The following CCDC91 variants were observed in gnomAD, a reference collection of about 807,000 sequenced individuals.
CCDC91 encodes coiled-coil domain-containing protein 91.
Under a neutral mutation model 63.2 loss-of-function variants are expected in CCDC91, and 48 were observed. The ratio of observed to expected loss-of-function variants is 0.76; its 90% CI spans 0.60 to 0.97. CCDC91 has a LOEUF of 0.97. Ranked by LOEUF, CCDC91 falls within the 50% of genes least tolerant of loss-of-function variation. The pLI is 0.00. For missense variants in CCDC91, 500 were observed against 494.6 expected, an observed-to-expected ratio of 1.01 and a Z score of -0.10; for synonymous variants, 167 against 165.8, an observed-to-expected ratio of 1.01 and a Z score of -0.06.
At chr12:28,293,714 G>A (rs1418228733) in intron 3 of CCDC91, among the ~76,000 whole-genome samples, 5 of 151,524 alleles carry the variant, frequency 3.3e-5, no homozygotes, top group East Asian at 1.9e-4. Flanking sequence ...TCTGTAGTCT[G>A]TTTCCTTGTC....
At position 28,367,342 on chromosome 12, in the gene CCDC91, A is replaced by G. The variant is rs147468930; in HGVS notation, c.654+4827A>G. Among the ~76,000 whole-genome samples, 9 of 152,362 alleles carry G rather than the reference A, an allele frequency of 5.9e-5. 1 individual carries two copies. The highest frequency in any genetic ancestry group is 2.1e-4 in the South Asian group (1 of 4,832). ...TGGCAATTTTAGAAGTAGAAATACAATAACCAAAATTAAAAACTCAGAGAT... is the reference window on the plus strand; with the variant it reads ...TGGCAATTTTAGAAGTAGAAATACAGTAACCAAAATTAAAAACTCAGAGAT... On this transcript the variant is annotated intron_variant, in intron 7 of 12. Coordinates refer to ENST00000536442, the MANE Select transcript of CCDC91 (RefSeq NM_018318.5).
At chr12:28,527,682 C>T (rs1380950578) in intron 12 of CCDC91, among the ~76,000 whole-genome samples, 1 of 152,154 alleles carries the variant, frequency 6.6e-6, no homozygotes, top group East Asian at 1.9e-4. Context: ...TGCCCATTGT[C>T]TTCAGTTACC....
chr12:28,482,423 C>G (rs1455132046), intron 11 of CCDC91, among the ~76,000 whole-genome samples: 1 of 151,638 alleles, frequency 6.6e-6, no homozygotes, highest in Non-Finnish European at 1.5e-5. Flanking sequence ...TAAAATTTTT[C>G]AAAGACTTTC....
chr12:28,506,211 G>A (rs543480044), intron 12 of CCDC91, among the ~76,000 whole-genome samples: 1 of 152,094 alleles, frequency 6.6e-6, no homozygotes, highest in South Asian at 2.1e-4. Context: ...TCAGAGGCAT[G>A]ATAGGAAGCT....
chr12:28,234,498 T>A (rs1468451862), intron 1 of CCDC91, among the ~76,000 whole-genome samples: 1 of 152,194 alleles, frequency 6.6e-6, no homozygotes, highest in African/African-American at 2.4e-5. Context: ...TTTTTAAAGA[T>A]ATTTAGTGAA....
At chr12:28,307,259 A>G (rs901252150) in intron 5 of CCDC91, among the ~76,000 whole-genome samples, 5 of 152,014 alleles carry the variant, frequency 3.3e-5, no homozygotes, top group East Asian at 1.9e-4. Context: ...TGCGACATCA[A>G]CTTTTCCCTA....
chr12:28,353,560 T>C (rs1943323304), intron 6 of CCDC91, among the ~76,000 whole-genome samples: 1 of 152,188 alleles, frequency 6.6e-6, no homozygotes. Flanking sequence ...TATAGGGTTA[T>C]TAATTGGCCT....
At chr12:28,191,683 C>T (rs1362505325) in intron 1 of CCDC91, among the ~76,000 whole-genome samples, 2 of 152,150 alleles carry the variant, frequency 1.3e-5, no homozygotes, top group Non-Finnish European at 2.9e-5. Context: ...ACAACAAATT[C>T]GCTGTTGTGT....
chr12:28,398,744 A>G (rs1170010549), intron 8 of CCDC91, among the ~76,000 whole-genome samples: 17 of 152,096 alleles, frequency 1.1e-4, no homozygotes, highest in Non-Finnish European at 2.9e-5. Context: ...CATTGCACTT[A>G]TTTGGCTGTT....
At position 28,338,461 on chromosome 12, in the gene CCDC91, G is replaced by A. The variant is rs577495448; in HGVS notation, c.577-23977G>A. Among the ~76,000 whole-genome samples the A allele has an allele frequency of 3.3e-5, 5 of 152,236 alleles. No homozygotes were observed. The East Asian group carries it at 9.6e-4, about 29-fold the overall frequency. ...TGTGGGTAGAGAAAACAGTGTGAAT[G>A]CCCTGAGATAAGATTGTGCTTGATG... On this transcript the variant is annotated intron_variant, in intron 6 of 12. Transcript: ENST00000536442.
At chr12:28,434,237 G>A (rs989707980) in intron 8 of CCDC91, among the ~76,000 whole-genome samples, 9 of 151,646 alleles carry the variant, frequency 5.9e-5, no homozygotes, top group Non-Finnish European at 8.9e-5. Context: ...TATGTTAGCT[G>A]TAGATTTTTT....
At chr12:28,244,494 C>CTTTTTTTTTTTTTTTTTTTTTTT (rs3064681) in intron 1 of CCDC91, among the ~76,000 whole-genome samples, 1 of 38,426 alleles carries the variant, frequency 2.6e-5, no homozygotes, top group African/African-American at 1.2e-4. Flanking sequence ...TAGAAGAAGG[C>CTTTTTTTTTTTTTTTTTTTTTTT]TTTTTTTTTT....
At chr12:28,527,104 A>C (rs557480484) in intron 12 of CCDC91, among the ~76,000 whole-genome samples, 46 of 152,162 alleles carry the variant, frequency 3.0e-4, no homozygotes, top group African/African-American at 1.1e-3. Flanking sequence ...ATTCTTTTTC[A>C]GGTAAATCAG....
chr12:28,232,818 C>A (rs1025494851), intron 1 of CCDC91, among the ~76,000 whole-genome samples: 3 of 151,662 alleles, frequency 2.0e-5, no homozygotes, highest in South Asian at 2.1e-4. Flanking sequence ...GTTAAAAATA[C>A]CATTACTCAA....
At chr12:28,244,623 C>G (rs1945592976) in intron 1 of CCDC91, among the ~76,000 whole-genome samples, 1 of 139,638 alleles carries the variant, frequency 7.2e-6, no homozygotes, top group South Asian at 2.3e-4. Flanking sequence ...CTTAAAGTAT[C>G]TTCATTTATA....
At chr12:28,471,657 A>G (rs1950819277) in intron 11 of CCDC91, among the ~76,000 whole-genome samples, 2 of 151,990 alleles carry the variant, frequency 1.3e-5, no homozygotes, top group South Asian at 4.1e-4. Context: ...TTGAGAAGAT[A>G]TATACAACTA....
At chr12:28,320,577 A>T (rs1411089834) in intron 6 of CCDC91, among the ~76,000 whole-genome samples, 1 of 151,902 alleles carries the variant, frequency 6.6e-6, no homozygotes, top group African/African-American at 2.4e-5. Context: ...GCCATTCTAG[A>T]ACAAAGCCAC....
At chr12:28,228,635 T>G (rs1379871397) in intron 1 of CCDC91, among the ~76,000 whole-genome samples, 1 of 152,138 alleles carries the variant, frequency 6.6e-6, no homozygotes, top group Non-Finnish European at 1.5e-5. Flanking sequence ...GAAATCTGCC[T>G]ACCTTTAACT....
At chr12:28,372,764 G>A (rs184442635) in intron 7 of CCDC91, among the ~76,000 whole-genome samples, 9 of 152,254 alleles carry the variant, frequency 5.9e-5, no homozygotes, top group Non-Finnish European at 8.8e-5. Flanking sequence ...ATGCAGTCAT[G>A]TCATTGGCAA....
Sources: allele counts gnomAD v4.1 joint callset (sites outside exome capture counted in the v4.1 genomes callset), GRCh38; gene constraint gnomAD v4.1.1; transcripts MANE v1.5; gene names NCBI Gene and HGNC (gene_info 2026-07-23, HGNC 2026-07-21).